Variants in CPB1 observed in about 807,000 individuals in gnomAD.
CPB1 encodes carboxypeptidase B1, also known as carboxypeptidase B.
In CPB1, 53 loss-of-function variants were observed where a neutral mutation model predicts 51.4. The observed-to-expected ratio is 1.03, with a 90% CI of 0.83 to 1.30. CPB1 has a LOEUF of 1.30. Among genes scored for constraint, CPB1 ranks in the 50% most tolerant of loss-of-function variants. The probability of loss-of-function intolerance (pLI) is 0.00; values close to 1 mark genes in which losing one functional copy is unlikely to be tolerated. For missense variants in CPB1, 494 were observed against 516.2 expected, an observed-to-expected ratio of 0.96 and a Z score of 0.42; for synonymous variants, 189 against 186.9, an observed-to-expected ratio of 1.01 and a Z score of -0.09.
chr3:148,855,903 A>G (rs2108021916), intron 9 of CPB1: 1 of 152,348 alleles, frequency 6.6e-6, no homozygotes, highest in East Asian at 1.9e-4. Context: ...TTACCTACAA[A>G]AAGAACTATT....
At chr3:148,858,802 G>C (rs1004015991) in intron 10 of CPB1, among the ~76,000 whole-genome samples, 5 of 152,014 alleles carry the variant, frequency 3.3e-5, no homozygotes, top group African/African-American at 1.2e-4. Flanking sequence ...CAATTTCTAC[G>C]TATATCTTCC....
Position 148,833,668 on chromosome 3 carries a change from T to A in CPB1, c.148-830T>A, listed in dbSNP as rs551495131. 3.6e-4 allele frequency among the ~76,000 whole-genome samples: 55 copies of A among 152,054 alleles called. 1 individual carries two copies. Among genetic ancestry groups the A allele is most frequent in the Admixed American group, 3.5e-3 (54 of 15,262 alleles). The stretch of plus-strand genomic sequence containing the variant: ...AGCAAGGAAGAGAATAACAGACACC[T>A]ACAAGACACAGTATGTTTTAGTTAA... On this transcript the variant is annotated intron_variant, in intron 2 of 10. Transcript: ENST00000282957.
chr3:148,859,718 C>T (rs1713693546), intron 10 of CPB1, 97 bp from the exon 11 acceptor site: 1 of 1,237,832 alleles, frequency 8.1e-7, no homozygotes, highest in Non-Finnish European at 1.1e-6. Flanking sequence ...AAATATTTTG[C>T]ACAGTGAAAC....
chr3:148,843,316 G>A (rs183014708), intron 6 of CPB1, among the ~76,000 whole-genome samples: 5 of 152,156 alleles, frequency 3.3e-5, no homozygotes, highest in East Asian at 3.9e-4. Flanking sequence ...TCTTCTGTAC[G>A]TCTAAAATTA....
At chr3:148,846,919 C>T (rs13320801) in intron 9 of CPB1, among the ~76,000 whole-genome samples, 9,413 of 144,576 alleles carry the variant, frequency 0.065, 405 homozygotes, top group Non-Finnish European at 0.1. Context: ...CACAGTATTG[C>T]TCTCCCAGAG....
At chr3:148,859,291 T>C (rs997228789) in intron 10 of CPB1, among the ~76,000 whole-genome samples, 1 of 152,216 alleles carries the variant, frequency 6.6e-6, no homozygotes, top group African/African-American at 2.4e-5. Flanking sequence ...ATTCTATGTG[T>C]TAGTGACAAC....
chr3:148,836,800 T>A (rs1712919230), intron 3 of CPB1, among the ~76,000 whole-genome samples: 1 of 152,200 alleles, frequency 6.6e-6, no homozygotes, highest in Non-Finnish European at 1.5e-5. Context: ...AAGCAGTCCC[T>A]GTGCATCCCA....
At chr3:148,831,712 T>C (rs1022503141) in intron 2 of CPB1, among the ~76,000 whole-genome samples, 12 of 152,222 alleles carry the variant, frequency 7.9e-5, no homozygotes, top group African/African-American at 2.9e-4. Flanking sequence ...TGGTTCTTTG[T>C]CACATTTATA....
chr3:148,841,433 A>G (rs1713078666), intron 5 of CPB1, among the ~76,000 whole-genome samples: 1 of 152,228 alleles, frequency 6.6e-6, no homozygotes, highest in South Asian at 2.1e-4. Context: ...TAAGTGAGAG[A>G]GTAGTAAAAA....
chr3:148,845,371 C>G, intron 8 of CPB1, 53 bp from the exon 9 acceptor site: 2 of 1,540,622 alleles, frequency 1.3e-6, no homozygotes, highest in East Asian at 4.5e-5. Flanking sequence ...TAAAACATCC[C>G]CACAAGAACT....
chr3:148,846,781 A>ATGTGTGTGTG lies in CPB1; in HGVS notation c.981+1156_981+1165dup, dbSNP rs1223556507. On this transcript the variant is annotated intron_variant, in intron 9 of 10. Transcript: ENST00000282957. Reference sequence around the variant, plus strand: ...CATATATATATATATACACATATATATGTGTGTGTGCGTGTGTATATATAT... The same window carrying ATGTGTGTGTG: ...CATATATATATATATACACATATATATGTGTGTGTGTGTGTGTGTGCGTGTGTATATATAT... 7.0e-3 allele frequency among the ~76,000 whole-genome samples: 406 copies of ATGTGTGTGTG among 57,974 alleles called. 16 individuals carry two copies. Among genetic ancestry groups the ATGTGTGTGTG allele is most frequent in the East Asian group, 0.016 (30 of 1,872 alleles). 38.0% of individuals were successfully genotyped at this position (57,974 alleles called of 152,430 possible).
chr3:148,841,657 C>T (rs1276259922), intron 5 of CPB1, among the ~76,000 whole-genome samples, 166 bp from the exon 6 acceptor site: 3 of 152,160 alleles, frequency 2.0e-5, no homozygotes, highest in Non-Finnish European at 4.4e-5. Flanking sequence ...AGTCTAGAAG[C>T]GAGAACATAC....
chr3:148,829,949 T>A (rs771109141), intron 2 of CPB1, among the ~76,000 whole-genome samples: 3 of 152,174 alleles, frequency 2.0e-5, no homozygotes, highest in Non-Finnish European at 4.4e-5. Context: ...AAGAAAGATA[T>A]CAATGCAGAG....
At position 148,857,079 on chromosome 3, in the gene CPB1, T is replaced by TTTTTG. The variant is rs1206517069; in HGVS notation, c.982-374_982-373insGTTTT. The TTTTTG allele has an allele frequency of 4.3e-4, 66 of 155,034 alleles. 1 individual carries two copies. The highest frequency in any genetic ancestry group is 5.3e-4 in the Non-Finnish European group (37 of 69,988). The allele number at this position is 155,034 out of a possible 1,614,324, so 9.6% of individuals were successfully genotyped here. On this transcript the variant is annotated intron_variant, in intron 9 of 10. Transcript: ENST00000282957. The stretch of plus-strand genomic sequence containing the variant: ...TGCCAAGTGTTTTTTTTTTTTTTTT[T>TTTTTG]TTTTTGCTTTGTTTTCTTTGCGTTT...
rs73866676 is a variant in CPB1 at position 148,852,800 on chromosome 3, A to G, written c.982-4657A>G. ...CAGCCAAATAAAAAGTTTGGTTTTCATCAGTGAAAGCGTTCCCACACTCCC... is the reference window on the plus strand; with the variant it reads ...CAGCCAAATAAAAAGTTTGGTTTTCGTCAGTGAAAGCGTTCCCACACTCCC... On this transcript the variant is annotated intron_variant, in intron 9 of 10. Transcript: ENST00000282957. Among the ~76,000 whole-genome samples the G allele has an allele frequency of 7.4e-3, 1,124 of 152,362 alleles. 12 individuals carry two copies. Among genetic ancestry groups the G allele is most frequent in the African/African-American group, 0.025 (1,046 of 41,594 alleles).
intron 2 of CPB1, among the ~76,000 whole-genome samples, chr3:148,830,428 G>C (rs1265058150): frequency 6.6e-6 from 1 of 152,034 alleles, no homozygotes; most frequent in Non-Finnish European, 1.5e-5. Context: ...ACCTCTCTGG[G>C]TCTCAACTTC....
At chr3:148,845,841 T>C (rs1293219204) in intron 9 of CPB1, among the ~76,000 whole-genome samples, 3 of 152,188 alleles carry the variant, frequency 2.0e-5, no homozygotes, top group African/African-American at 2.4e-5. Context: ...ACATGCGATT[T>C]ATTGACTAAT....
intron 10 of CPB1, 66 bp downstream of exon 10, chr3:148,857,607 G>C (rs1302114731): frequency 5.7e-6 from 7 of 1,230,366 alleles, no homozygotes; most frequent in Middle Eastern, 1.9e-4. Context: ...AGGTTCCTGG[G>C]GCCTTTCTTT....
intron 2 of CPB1, among the ~76,000 whole-genome samples, chr3:148,828,902 G>A (rs150259007): frequency 9.1e-4 from 139 of 152,282 alleles, no homozygotes; most frequent in Non-Finnish European, 1.8e-3. Context: ...CAGAAGTTCA[G>A]AATTGAAAGA....
Sources: allele counts gnomAD v4.1 joint callset (sites outside exome capture counted in the v4.1 genomes callset), GRCh38; gene constraint gnomAD v4.1.1; transcripts MANE v1.5; gene names NCBI Gene and HGNC (gene_info 2026-07-23, HGNC 2026-07-21).